The following CTNNA3 variants were observed in gnomAD, a reference collection of about 807,000 sequenced individuals.
The protein encoded by CTNNA3 is catenin alpha-3.
A neutral mutation model predicts 95.7 loss-of-function variants in CTNNA3; 76 were observed. The observed-to-expected ratio is 0.79, with a 90% CI of 0.66 to 0.96. CTNNA3 has a LOEUF of 0.96. Ranked by LOEUF, CTNNA3 falls within the 40% of genes least tolerant of loss-of-function variation. The probability of loss-of-function intolerance (pLI) is 0.00; values close to 1 mark genes in which losing one functional copy is unlikely to be tolerated. For synonymous variants in CTNNA3, 431 were observed against 374.4 expected (o/e 1.15, Z -1.74); for missense variants, 1,191 against 1,089.8 (o/e 1.09, Z -1.31).
At chr10:65,996,307 T>C (rs2078658204) in intron 15 of CTNNA3, among the ~76,000 whole-genome samples, 1 of 152,126 alleles carries the variant, frequency 6.6e-6, no homozygotes, top group Non-Finnish European at 1.5e-5. Flanking sequence ...TTTGGCTCCC[T>C]TTGTCCCAGG....
chr10:66,461,007 A>G (rs762513354), intron 11 of CTNNA3, among the ~76,000 whole-genome samples: 2 of 152,154 alleles, frequency 1.3e-5, no homozygotes, highest in Non-Finnish European at 2.9e-5. Flanking sequence ...AATGTGTTCA[A>G]TGTTAGAGTC....
chr10:65,959,725 T>C (rs1041125743), intron 17 of CTNNA3, among the ~76,000 whole-genome samples: 2 of 152,088 alleles, frequency 1.3e-5, no homozygotes, highest in Admixed American at 1.3e-4. Flanking sequence ...ATGTTGCCCA[T>C]GGTTGGTCTT....
intron 7 of CTNNA3, among the ~76,000 whole-genome samples, chr10:66,916,257 G>T (rs1029882201): frequency 1.3e-5 from 2 of 152,160 alleles, no homozygotes; most frequent in African/African-American, 4.8e-5. Context: ...GAGTCATATC[G>T]CCTATTTATT....
chr10:65,932,770 T>C (rs116961334), intron 17 of CTNNA3, among the ~76,000 whole-genome samples: 275 of 152,308 alleles, frequency 1.8e-3, no homozygotes, highest in Non-Finnish European at 3.4e-3. Flanking sequence ...TCTTCCTCTC[T>C]AGTTTGGGAG....
intron 2 of CTNNA3, among the ~76,000 whole-genome samples, chr10:67,620,638 C>T (rs538831024): frequency 3.9e-5 from 6 of 151,980 alleles, no homozygotes; most frequent in Non-Finnish European, 8.8e-5. Flanking sequence ...TAATCCCCTA[C>T]AAGTACAAAA....
intron 9 of CTNNA3, among the ~76,000 whole-genome samples, chr10:66,644,483 A>G (rs7908921): frequency 2.7e-5 from 4 of 145,768 alleles, no homozygotes; most frequent in Admixed American, 6.9e-5. Context: ...GTTTATATAT[A>G]TATATACACA....
rs925860064 is a variant in CTNNA3 at position 65,947,275 on chromosome 10, G to A, written c.2400+19337C>T. Among the ~76,000 whole-genome samples, 62 of 151,946 alleles carry A rather than the reference G, an allele frequency of 4.1e-4. 1 individual carries two copies. The highest frequency in any genetic ancestry group is 4.4e-5 in the Non-Finnish European group (3 of 67,982). On this transcript the variant is annotated intron_variant, in intron 17 of 17. Coordinates refer to ENST00000433211, the MANE Select transcript of CTNNA3 (RefSeq NM_013266.4). ...AGAGAAATGAGCTTACTAAAGGCAC[G>A]GCATTTTCTTACCTTTTTTCTTTAC...
intron 7 of CTNNA3, among the ~76,000 whole-genome samples, chr10:66,921,780 A>C (rs758268019): frequency 6.6e-6 from 1 of 152,008 alleles, no homozygotes; most frequent in African/African-American, 2.4e-5. Flanking sequence ...AATATACTGT[A>C]TATGTTTATT....
At chr10:66,818,879 C>G (rs1435804167) in intron 7 of CTNNA3, among the ~76,000 whole-genome samples, 1 of 151,980 alleles carries the variant, frequency 6.6e-6, no homozygotes, top group Non-Finnish European at 1.5e-5. Flanking sequence ...CACTTGAGGC[C>G]AGGAGTTTGA....
chr10:67,726,935 A>G (rs1841234321), intron 1 of CTNNA3, among the ~76,000 whole-genome samples: 1 of 117,074 alleles, frequency 8.5e-6, no homozygotes, highest in Non-Finnish European at 1.6e-5. Context: ...ATTATATCAT[A>G]TATCATATAT....
rs535828111 is a variant in CTNNA3 at position 66,698,983 on chromosome 10, C to T, written c.1281+67281G>A. On this transcript the variant is annotated intron_variant, in intron 9 of 17. Coordinates refer to ENST00000433211, the MANE Select transcript of CTNNA3 (RefSeq NM_013266.4). The stretch of plus-strand genomic sequence containing the variant: ...TCAAATAAAAAGTAACAAGACTGGC[C>T]TGAGTAGCAGAATATACATTTCATA... 2.7e-3 allele frequency among the ~76,000 whole-genome samples: 408 copies of T among 152,200 alleles called. 11 individuals carry two copies. Among genetic ancestry groups the T allele is most frequent in the Middle Eastern group, 6.8e-3 (2 of 294 alleles).
chr10:66,928,029 G>A (rs754641848), intron 7 of CTNNA3: 5 of 1,614,100 alleles, frequency 3.1e-6, no homozygotes, highest in Non-Finnish European at 4.2e-6. Context: ...GGTTTGATCT[G>A]GCCAGGGCTC....
intron 9 of CTNNA3, among the ~76,000 whole-genome samples, chr10:66,656,651 G>C (rs1846083022): frequency 6.6e-6 from 1 of 152,022 alleles, no homozygotes; most frequent in Admixed American, 6.5e-5. Flanking sequence ...CCCAGAGTAA[G>C]CATGTTGGCA....
intron 13 of CTNNA3, among the ~76,000 whole-genome samples, chr10:66,210,881 C>A (rs890964790): frequency 6.6e-5 from 10 of 152,110 alleles, no homozygotes; most frequent in African/African-American, 2.4e-4. Flanking sequence ...GCCTAGGCCA[C>A]CTTGTACATA....
chr10:66,534,840 A>G (rs751155051), intron 10 of CTNNA3, among the ~76,000 whole-genome samples: 1 of 151,800 alleles, frequency 6.6e-6, no homozygotes, highest in Admixed American at 6.6e-5. Flanking sequence ...TTCTAAAGTT[A>G]TGAAGTATTA....
intron 13 of CTNNA3, among the ~76,000 whole-genome samples, chr10:66,184,754 T>C (rs1418733251): frequency 6.6e-6 from 1 of 152,202 alleles, no homozygotes; most frequent in African/African-American, 2.4e-5. Context: ...TGTTATATCA[T>C]CCTGTCAAAT....
chr10:67,383,814 A>G (rs946933004), intron 5 of CTNNA3, among the ~76,000 whole-genome samples: 2 of 152,234 alleles, frequency 1.3e-5, no homozygotes, highest in Non-Finnish European at 2.9e-5. Flanking sequence ...TTCTAACATT[A>G]AACAGTGACG....
At chr10:67,507,639 T>C (rs969235695) in intron 5 of CTNNA3, among the ~76,000 whole-genome samples, 1 of 151,644 alleles carries the variant, frequency 6.6e-6, no homozygotes, top group Non-Finnish European at 1.5e-5. Flanking sequence ...CACTGCTGAA[T>C]TCAACTAAAA....
At chr10:67,489,897 A>G (rs946609631) in intron 5 of CTNNA3, among the ~76,000 whole-genome samples, 4 of 151,952 alleles carry the variant, frequency 2.6e-5, no homozygotes, top group Non-Finnish European at 5.9e-5. Flanking sequence ...GTAACTAGAT[A>G]AAGTTGCTTT....
Sources: allele counts gnomAD v4.1 joint callset (sites outside exome capture counted in the v4.1 genomes callset), GRCh38; gene constraint gnomAD v4.1.1; transcripts MANE v1.5; gene names NCBI Gene and HGNC (gene_info 2026-07-23, HGNC 2026-07-21).